Variants in PSMA6 observed in about 807,000 individuals in gnomAD.
The protein encoded by PSMA6 is proteasome 20S subunit alpha 6.
For synonymous variants in PSMA6, 88 were observed against 97.7 expected (o/e 0.90, Z 0.59); for missense variants, 170 against 294.8 (o/e 0.58, Z 3.10).
chr14:35,292,679 G>A, intron 1 of PSMA6, 127 bp downstream of exon 1: 1 of 1,478,940 alleles, frequency 6.8e-7, no homozygotes, highest in Non-Finnish European at 9.0e-7. Flanking sequence ...AGGGAGAACG[G>A]CTGAAGCTGG....
intron 1 of PSMA6, among the ~76,000 whole-genome samples, chr14:35,280,462 A>G (rs2138699352): frequency 6.6e-6 from 1 of 150,396 alleles, no homozygotes; most frequent in Admixed American, 6.6e-5. Flanking sequence ...GCTCACTGCA[A>G]CCTCCACCTC....
At chr14:35,287,949 G>A (rs1181974841), upstream of PSMA6, among the ~76,000 whole-genome samples, 5 of 152,122 alleles carry the variant, frequency 3.3e-5, no homozygotes, top group African/African-American at 7.2e-5. Flanking sequence ...ATTGGCAAAC[G>A]TTTTGTCTTT....
chr14:35,309,019 G>A (rs780169865), intron 3 of PSMA6, 24 bp downstream of exon 3: 4 of 1,454,200 alleles, frequency 2.8e-6, no homozygotes, highest in East Asian at 2.3e-5. Flanking sequence ...AGATATACAA[G>A]ACATCTGTAG....
chr14:35,282,973 G>A lies in PSMA6; in HGVS notation c.19+4255G>A, dbSNP rs184973249. On this transcript the variant is annotated intron_variant, in intron 1 of 6. Transcript: ENST00000540871. ...TTCTCCTGCCTCAGCCTCCTGAGTA[G>A]CTGGGACTACAGGCGTGCACCACCA... is the stretch of plus-strand genomic sequence containing the variant. Among the ~76,000 whole-genome samples, 913 of 151,984 alleles carry A rather than the reference G, an allele frequency of 6.0e-3. 7 individuals carry two copies. Among genetic ancestry groups the A allele is most frequent in the Middle Eastern group, 0.01 (3 of 294 alleles).
At chr14:35,303,089 T>G (rs1279687916) in intron 1 of PSMA6, among the ~76,000 whole-genome samples, 1 of 152,210 alleles carries the variant, frequency 6.6e-6, no homozygotes, top group East Asian at 1.9e-4. Flanking sequence ...TTTGGTATAT[T>G]GAGAGTTCCG....
At chr14:35,278,659 G>A in exon 1 of PSMA6, 1 of 1,534,876 alleles carries the variant, frequency 6.5e-7, no homozygotes, top group Non-Finnish European at 8.7e-7. Context: ...AGAATGGGAT[G>A]GAGCCTCCAC....
upstream of PSMA6, among the ~76,000 whole-genome samples, chr14:35,287,421 C>A (rs549824259): frequency 9.2e-5 from 14 of 151,618 alleles, no homozygotes; most frequent in Non-Finnish European, 1.3e-4. Context: ...AAATAGGCTT[C>A]TTTTTTTTTA....
chr14:35,293,699 T>C lies in PSMA6; in HGVS notation c.76+1147T>C, dbSNP rs1165752321. ...AGTAGCCCTTTTAATTTATCCCCAA[T>C]TGAAAAACATGATTAAAGATAGAAC... is the stretch of plus-strand genomic sequence containing the variant. On this transcript the variant is annotated intron_variant, in intron 1 of 6. Transcript: ENST00000261479. Among the ~76,000 whole-genome samples the C allele has an allele frequency of 3.3e-5, 5 of 152,224 alleles. No homozygotes were observed. In the East Asian group the frequency reaches 9.6e-4, roughly 29 times the overall value.
chr14:35,307,042 G>A (rs1389606502), intron 1 of PSMA6, among the ~76,000 whole-genome samples: 1 of 152,062 alleles, frequency 6.6e-6, no homozygotes, highest in African/African-American at 2.4e-5. Context: ...CAGCTACTCA[G>A]GAGGCTGAGG....
intron 3 of PSMA6, among the ~76,000 whole-genome samples, chr14:35,309,800 TAAAAAC>T (rs1437457866): frequency 6.6e-6 from 1 of 151,282 alleles, no homozygotes; most frequent in South Asian, 2.1e-4. Flanking sequence ...TCTCAAAAAA[TAAAAAC>T]AAAAATACCA....
chr14:35,303,532 T>C (rs1311258033), intron 1 of PSMA6, among the ~76,000 whole-genome samples: 1 of 152,250 alleles, frequency 6.6e-6, no homozygotes, highest in Non-Finnish European at 1.5e-5. Flanking sequence ...ATGCCATTCC[T>C]TTCTCCCAAC....
At chr14:35,311,118 T>A (rs2051935767) in intron 4 of PSMA6, 1 of 412,438 alleles carries the variant, frequency 2.4e-6, no homozygotes, top group Non-Finnish European at 4.3e-6. Context: ...TTTATCAAAG[T>A]ATTTCCATTT....
At chr14:35,292,262 G>A, upstream of PSMA6, 1 of 1,359,630 alleles carries the variant, frequency 7.4e-7, no homozygotes, top group Non-Finnish European at 9.5e-7. Context: ...TACCTTCAAA[G>A]GCCTCCCGCC....
intron 1 of PSMA6, among the ~76,000 whole-genome samples, chr14:35,306,573 G>A (rs980529776): frequency 2.0e-5 from 3 of 151,898 alleles, no homozygotes; most frequent in Non-Finnish European, 2.9e-5. Flanking sequence ...GTGTTGTGGC[G>A]GGCAGCTGTA....
intron 1 of PSMA6, among the ~76,000 whole-genome samples, chr14:35,283,036 G>T (rs780489317): frequency 9.2e-5 from 14 of 151,962 alleles, no homozygotes; most frequent in Non-Finnish European, 2.9e-5. Context: ...GTGGAGTCAG[G>T]GTTTCACCAT....
chr14:35,295,372 A>T (rs1385760001), intron 1 of PSMA6, among the ~76,000 whole-genome samples: 3 of 151,770 alleles, frequency 2.0e-5, no homozygotes, highest in Non-Finnish European at 4.4e-5. Context: ...AATCATAATT[A>T]TAAACATACT....
At chr14:35,302,984 G>A (rs749612824) in intron 1 of PSMA6, among the ~76,000 whole-genome samples, 7 of 152,148 alleles carry the variant, frequency 4.6e-5, no homozygotes, top group Non-Finnish European at 5.9e-5. Flanking sequence ...CATCTGGGTC[G>A]TCTCAGGATT....
intron 4 of PSMA6, among the ~76,000 whole-genome samples, chr14:35,312,493 C>T (rs1202410111): frequency 2.5e-5 from 3 of 120,268 alleles, no homozygotes; most frequent in African/African-American, 7.3e-5. Context: ...GGAGACAGAG[C>T]GAGAGTCTGT....
chr14:35,283,324 C>T (rs573053105), intron 1 of PSMA6, among the ~76,000 whole-genome samples: 2 of 140,656 alleles, frequency 1.4e-5, no homozygotes, highest in South Asian at 2.2e-4. Context: ...CCCAGGAGTA[C>T]GAGACCAGCC....
Sources: gnomAD v4.1 joint callset for allele counts (sites outside exome capture counted in the v4.1 genomes callset) on GRCh38, gnomAD v4.1.1 for gene constraint, MANE v1.5 for transcripts, NCBI Gene and HGNC (gene_info 2026-07-23, HGNC 2026-07-21) for gene names.